ZNF385D: variants seen among roughly 807,000 people sequenced by gnomAD.
ZNF385D encodes the protein zinc finger protein 385D.
In ZNF385D, 15 loss-of-function variants were observed where a neutral mutation model predicts 35.8. The ratio of observed to expected loss-of-function variants is 0.42; its 90% CI spans 0.28 to 0.64. The LOEUF is 0.64. Among genes scored for constraint, ZNF385D ranks in the 30% least tolerant of loss-of-function variants. ZNF385D has a pLI of 0.23. For synonymous variants in ZNF385D, 212 were observed against 186.8 expected, an observed-to-expected ratio of 1.13 and a Z score of -1.10; for missense variants, 474 against 494.6, an observed-to-expected ratio of 0.96 and a Z score of 0.39.
intron 3 of ZNF385D, among the ~76,000 whole-genome samples, chr3:21,952,934 A>G (rs953641028): frequency 2.6e-5 from 4 of 152,014 alleles, no homozygotes; most frequent in African/African-American, 9.7e-5. Flanking sequence ...CATTTCTCAG[A>G]CTTTCAAAGA....
At chr3:22,310,303 T>A (rs927902188) in intron 2 of ZNF385D, among the ~76,000 whole-genome samples, 1 of 151,902 alleles carries the variant, frequency 6.6e-6, no homozygotes, top group African/African-American at 2.4e-5. Context: ...CCTTTCTTGA[T>A]GGCTATGAGA....
chr3:21,817,397 A>T (rs565333797), intron 3 of ZNF385D, among the ~76,000 whole-genome samples: 5 of 152,264 alleles, frequency 3.3e-5, no homozygotes, highest in South Asian at 4.1e-4. Flanking sequence ...TGAACAGGCA[A>T]CCTACAGAAT....
chr3:21,803,297 G>C (rs978943164), intron 3 of ZNF385D, among the ~76,000 whole-genome samples: 1 of 152,064 alleles, frequency 6.6e-6, no homozygotes, highest in African/African-American at 2.4e-5. Context: ...ACAGCATTTG[G>C]GTGGAATGAC....
chr3:22,218,662 T>C (rs1428174085), intron 2 of ZNF385D, among the ~76,000 whole-genome samples: 1 of 152,160 alleles, frequency 6.6e-6, no homozygotes, highest in Admixed American at 6.6e-5. Flanking sequence ...CAGAAGGTTC[T>C]TAAGGCTTCC....
intron 3 of ZNF385D, among the ~76,000 whole-genome samples, chr3:22,081,579 G>C (rs918826677): frequency 6.6e-6 from 1 of 152,160 alleles, no homozygotes; most frequent in African/African-American, 2.4e-5. Context: ...CCAATAGATA[G>C]ACTGGTGTTT....
At position 21,712,393 on chromosome 3, in the gene ZNF385D, C is replaced by T. The variant is rs369707595; in HGVS notation, c.22+38502G>A. Among the ~76,000 whole-genome samples the T allele has an allele frequency of 7.2e-4, 110 of 152,258 alleles. 1 individual carries two copies. Among genetic ancestry groups the T allele is most frequent in the African/African-American group, 2.4e-3 (99 of 41,552 alleles). ...CACCCACCCTAGCATAGCCCATTGG[C>T]TGATTGAACTCACGGTCTCTTCTCT... On this transcript the variant is annotated intron_variant, in intron 1 of 7. Transcript: ENST00000281523.
chr3:21,808,793 C>T (rs549261734), intron 3 of ZNF385D, among the ~76,000 whole-genome samples: 1 of 152,186 alleles, frequency 6.6e-6, no homozygotes, highest in East Asian at 1.9e-4. Context: ...ATGAATCCAA[C>T]CAGAATCCAC....
chr3:21,704,804 ATCTATTACAT>A (rs576216621), intron 1 of ZNF385D, among the ~76,000 whole-genome samples: 77 of 152,368 alleles, frequency 5.1e-4, no homozygotes, highest in African/African-American at 1.8e-3. Flanking sequence ...CTAAATAAAT[ATCTATTACAT>A]GAAGGAATAA....
At chr3:21,830,497 T>G (rs543777956) in intron 3 of ZNF385D, among the ~76,000 whole-genome samples, 1 of 152,276 alleles carries the variant, frequency 6.6e-6, no homozygotes, top group South Asian at 2.1e-4. Flanking sequence ...AGCCTCTACG[T>G]ATTGTTTGTA....
intron 2 of ZNF385D, among the ~76,000 whole-genome samples, chr3:22,172,743 A>G (rs1694548742): frequency 1.3e-5 from 2 of 152,212 alleles, no homozygotes. Flanking sequence ...ATTAATACCT[A>G]AAGTATAAAT....
intron 3 of ZNF385D, among the ~76,000 whole-genome samples, chr3:22,024,255 T>C (rs973308832): frequency 1.3e-5 from 2 of 152,100 alleles, no homozygotes; most frequent in Admixed American, 1.3e-4. Flanking sequence ...AACTTGCAGA[T>C]AGCCCATTGT....
chr3:21,893,390 T>C (rs1293750840), intron 3 of ZNF385D, among the ~76,000 whole-genome samples: 1 of 152,164 alleles, frequency 6.6e-6, no homozygotes, highest in Non-Finnish European at 1.5e-5. Flanking sequence ...ACAGACAGCT[T>C]ATTCTTAAAT....
At chr3:22,291,339 T>C (rs957872304) in intron 2 of ZNF385D, among the ~76,000 whole-genome samples, 3 of 152,148 alleles carry the variant, frequency 2.0e-5, no homozygotes, top group Admixed American at 2.0e-4. Flanking sequence ...TCAAGACCCA[T>C]TTTCTGCCCC....
chr3:21,836,769 T>G (rs1333549313), intron 3 of ZNF385D, among the ~76,000 whole-genome samples: 1 of 152,142 alleles, frequency 6.6e-6, no homozygotes, highest in African/African-American at 2.4e-5. Flanking sequence ...TTTTCTATTT[T>G]GGCCATTAAA....
intron 3 of ZNF385D, among the ~76,000 whole-genome samples, chr3:22,082,563 T>C (rs1026052345): frequency 9.9e-5 from 15 of 152,118 alleles, no homozygotes; most frequent in African/African-American, 3.6e-4. Context: ...TCTAACTGGA[T>C]AGAGCCCACC....
intron 4 of ZNF385D, 82 bp downstream of exon 4, chr3:21,510,779 G>T: frequency 6.4e-7 from 1 of 1,555,066 alleles, no homozygotes; most frequent in Non-Finnish European, 8.8e-7. Context: ...AGGCACATAA[G>T]TAAACAGACA....
intron 3 of ZNF385D, among the ~76,000 whole-genome samples, chr3:22,098,238 C>T (rs974509269): frequency 1.3e-5 from 2 of 152,080 alleles, no homozygotes; most frequent in Admixed American, 6.6e-5. Flanking sequence ...AAATATGTAT[C>T]CATAGCAACT....
chr3:21,976,584 T>C (rs56969436), intron 3 of ZNF385D, among the ~76,000 whole-genome samples: 38,253 of 152,124 alleles, frequency 0.25, 5,267 homozygotes, highest in East Asian at 0.33. Context: ...ACCAAAAACA[T>C]GTACTACATT....
At chr3:21,432,951 G>A (rs748148112) in intron 5 of ZNF385D, among the ~76,000 whole-genome samples, 17 of 149,764 alleles carry the variant, frequency 1.1e-4, no homozygotes, top group Non-Finnish European at 3.0e-5. Flanking sequence ...ATAATGCCAG[G>A]AGCAGCTGTG....
Sources: gnomAD v4.1 joint callset for allele counts (sites outside exome capture counted in the v4.1 genomes callset) on GRCh38, gnomAD v4.1.1 for gene constraint, MANE v1.5 for transcripts, NCBI Gene and HGNC (gene_info 2026-07-23, HGNC 2026-07-21) for gene names.